DDX42: variants seen among roughly 807,000 people sequenced by gnomAD.
The protein encoded by DDX42 is ATP-dependent RNA helicase DDX42.
Under a neutral mutation model 101.5 loss-of-function variants are expected in DDX42, and 22 were observed. The ratio of observed to expected loss-of-function variants is 0.22; its 90% CI spans 0.15 to 0.31. The LOEUF (loss-of-function observed/expected upper bound fraction) is 0.31, where lower values mean the gene tolerates loss of function less well. Among genes scored for constraint, DDX42 ranks in the 10% least tolerant of loss-of-function variants. The pLI, the probability that DDX42 is intolerant of heterozygous loss-of-function variation, is 1.00. For missense variants in DDX42, 849 were observed against 1,199.9 expected, an observed-to-expected ratio of 0.71 and a Z score of 4.32; for synonymous variants, 402 against 401.2, an observed-to-expected ratio of 1.00 and a Z score of -0.02.
chr17:63,814,292 A>G (rs2039948822), intron 15 of DDX42, among the ~76,000 whole-genome samples: 1 of 152,190 alleles, frequency 6.6e-6, no homozygotes, highest in Admixed American at 6.5e-5. Flanking sequence ...GCTGTCCCCA[A>G]ATTACAAATG....
intron 8 of DDX42, among the ~76,000 whole-genome samples, chr17:63,806,876 C>T (rs1452902032): frequency 2.0e-5 from 3 of 152,052 alleles, no homozygotes; most frequent in Non-Finnish European, 4.4e-5. Flanking sequence ...ATTTATTAGG[C>T]CTAAACCTAA....
At chr17:63,790,334 T>C (rs1042489776) in intron 2 of DDX42, among the ~76,000 whole-genome samples, 1 of 152,110 alleles carries the variant, frequency 6.6e-6, no homozygotes, top group African/African-American at 2.4e-5. Context: ...ATATAGACTA[T>C]ATATTTTAGG....
intron 1 of DDX42, among the ~76,000 whole-genome samples, chr17:63,777,604 C>T (rs997336266): frequency 4.6e-5 from 7 of 152,058 alleles, no homozygotes; most frequent in Admixed American, 3.9e-4. Flanking sequence ...CCCACCACCA[C>T]GCCTGGCTAA....
rs139342309 is a variant in DDX42, at chr17:63,813,375, A to G, written c.1823A>G (p.Asn608Ser). The change falls in exon 15 of 18, where the codon AAT (asparagine) becomes AGT (serine). Residue 608 changes from asparagine (N) to serine (S), a missense_variant. Asn to Ser is a conservative substitution (Grantham distance 46). Coordinates refer to ENST00000389924, the MANE Select transcript of DDX42 (RefSeq NM_203499.3). ...ACCCTACTCACTCCCAAGGACAGCA[A>G]TTTTGCTGGTGACCTGGTCCGGAAC... is the stretch of plus-strand genomic sequence containing the variant. Reference protein sequence around the residue: ...AYTLLTPKDSNFAGDLVRNLE... With the variant: ...AYTLLTPKDSSFAGDLVRNLE... The G allele has an allele frequency of 2.7e-5, 44 of 1,613,950 alleles. No homozygotes were observed. The highest frequency in any genetic ancestry group is 1.6e-4 in the African/African-American group (12 of 74,884).
chr17:63,775,549 T>C (rs1289840623), intron 1 of DDX42, among the ~76,000 whole-genome samples: 1 of 152,168 alleles, frequency 6.6e-6, no homozygotes, highest in Non-Finnish European at 1.5e-5. Context: ...CAAGCTGATA[T>C]TTAAGCGGAC....
Position 63,818,035 on chromosome 17 carries a change from TCA to T in DDX42, c.2457_2458del (p.His819GlnfsTer10), listed in dbSNP as rs1567748740. ...ATACTGAGAACCGGGGCAGCAGCCG[TCA>T]CAGTCACGGAGAGACTGGCAATCGG... ...RYTENRGSSRHSHGETGNRHS... is the reference protein window; with the variant it reads ...RYTENRGSSRXSHGETGNRHS... On this transcript the variant is annotated frameshift_variant, in exon 18 of 18. Coordinates refer to ENST00000389924, the MANE Select transcript of DDX42 (RefSeq NM_203499.3). LOFTEE classifies it high-confidence loss of function. 1 of 1,613,816 alleles carries T rather than the reference TCA, an allele frequency of 6.2e-7. No homozygotes were observed. Among genetic ancestry groups the T allele is most frequent in the Non-Finnish European group, 8.5e-7 (1 of 1,180,006 alleles).
At chr17:63,781,932 C>T (rs2039492989) in intron 1 of DDX42, among the ~76,000 whole-genome samples, 1 of 152,006 alleles carries the variant, frequency 6.6e-6, no homozygotes, top group African/African-American at 2.4e-5. Flanking sequence ...ATGGTGTGAA[C>T]CCGGGAGGCA....
intron 1 of DDX42, among the ~76,000 whole-genome samples, chr17:63,777,395 A>G (rs932820508): frequency 6.6e-6 from 1 of 151,900 alleles, no homozygotes; most frequent in African/African-American, 2.4e-5. Flanking sequence ...ATCCTATAAT[A>G]CGGAGTTGGA....
intron 1 of DDX42, among the ~76,000 whole-genome samples, chr17:63,775,644 G>A (rs912183129): frequency 8.5e-5 from 13 of 152,144 alleles, no homozygotes; most frequent in African/African-American, 3.1e-4. Context: ...CCTTGAGGAG[G>A]ACAAAGCTGG....
At chr17:63,784,019 G>A (rs991397460) in intron 1 of DDX42, among the ~76,000 whole-genome samples, 1 of 152,024 alleles carries the variant, frequency 6.6e-6, no homozygotes, top group African/African-American at 2.4e-5. Context: ...AGCTAAGATT[G>A]TACCACTGCA....
At chr17:63,779,475 G>A (rs971246630) in intron 1 of DDX42, among the ~76,000 whole-genome samples, 76 of 152,066 alleles carry the variant, frequency 5.0e-4, no homozygotes, top group African/African-American at 1.8e-3. Context: ...TGTTGTCCAG[G>A]CTGACCTCTA....
rs890264179 is a variant in DDX42, at chr17:63,819,200, TATC to T, written c.*803_*805del. The T allele has an allele frequency of 2.0e-5, 3 of 152,668 alleles. No individual in the cohort carries two copies. Among genetic ancestry groups the T allele is most frequent in the Non-Finnish European group, 4.4e-5 (3 of 68,058 alleles). 9.5% of individuals were successfully genotyped at this position (152,668 alleles called of 1,614,324 possible). A position where few individuals can be genotyped will look rare whatever the true frequency, so the allele number is the denominator to read the frequency against. On this transcript the variant is annotated 3_prime_UTR_variant, in exon 18 of 18. Coordinates refer to ENST00000389924, the MANE Select transcript of DDX42 (RefSeq NM_203499.3). ...TGAAATGATTTTGATGATTTTTGTT[TATC>T]GTTTATAAAAAGGAAAAGAAATATA...
chr17:63,813,817 CAA>C (rs2039941532), intron 15 of DDX42, among the ~76,000 whole-genome samples: 1 of 151,994 alleles, frequency 6.6e-6, no homozygotes, highest in Admixed American at 6.6e-5. Context: ...GCCTTTAAAA[CAA>C]TATGTGTATA....
chr17:63,786,895 C>G, intron 1 of DDX42, 139 bp from the exon 2 acceptor site: 5 of 773,838 alleles, frequency 6.5e-6, no homozygotes, highest in Non-Finnish European at 1.0e-5. Context: ...CCAGGCTGGT[C>G]TTGAACTCCT....
At chr17:63,807,635 TTAG>T (rs1421567665) in intron 8 of DDX42, 86 bp from the exon 9 acceptor site, 5 of 1,238,930 alleles carry the variant, frequency 4.0e-6, no homozygotes, top group South Asian at 1.4e-5. Flanking sequence ...AATAAAAATG[TTAG>T]TAGTCATTTA....
intron 6 of DDX42, among the ~76,000 whole-genome samples, chr17:63,800,825 T>C (rs189011024): frequency 1.3e-4 from 20 of 152,392 alleles, no homozygotes; most frequent in Non-Finnish European, 2.4e-4. Context: ...CATTTGACTT[T>C]AGAATTAAAA....
Position 63,816,901 on chromosome 17 carries a change from G to C in DDX42, c.2047G>C (p.Glu683Gln). 6.2e-7 allele frequency: 1 copy of C among 1,613,688 alleles called. No homozygotes were observed. Residue 683 changes from glutamate to glutamine, a missense_variant, in exon 17 of 18, where the codon GAG (glutamate) becomes CAG (glutamine). Physicochemically the swap from Glu to Gln is conservative, Grantham distance 29 (BLOSUM62 2). Transcript: ENST00000389924. The stretch of plus-strand genomic sequence containing the variant: ...AAATAACAATGTAATGAGCAATTAT[G>C]AGGCCTACAAGCCTTCCACAGGAGC... ...RGNNNVMSNYEAYKPSTGAMG... is the reference protein window; with the variant it reads ...RGNNNVMSNYQAYKPSTGAMG...
At chr17:63,809,691 C>T (rs1372288207) in intron 11 of DDX42, 32 bp downstream of exon 11, 2 of 1,555,256 alleles carry the variant, frequency 1.3e-6, no homozygotes, top group East Asian at 2.2e-5. Flanking sequence ...CTTCTGTCCC[C>T]ATCCTCATGA....
At chr17:63,798,959 G>A (rs1287650206) in intron 4 of DDX42, among the ~76,000 whole-genome samples, 1 of 151,902 alleles carries the variant, frequency 6.6e-6, no homozygotes, top group Admixed American at 6.6e-5. Context: ...CAGAAAGTCT[G>A]ATTAGAAACA....
Sources: gnomAD v4.1 joint callset for allele counts (sites outside exome capture counted in the v4.1 genomes callset) on GRCh38, gnomAD v4.1.1 for gene constraint, MANE v1.5 for transcripts, NCBI Gene and HGNC (gene_info 2026-07-23, HGNC 2026-07-21) for gene names.